The following ORC5 variants were observed in gnomAD, a reference collection of about 807,000 sequenced individuals.
ORC5 encodes the protein origin recognition complex subunit 5.
A neutral mutation model predicts 58.8 loss-of-function variants in ORC5; 39 were observed. The observed-to-expected ratio is 0.66, with a 90% CI of 0.51 to 0.87. ORC5 has a LOEUF of 0.87. ORC5 is among the 40% of genes least tolerant of loss of function. The pLI, the probability that ORC5 is intolerant of heterozygous loss-of-function variation, is 0.00. For missense variants in ORC5, 493 were observed against 506.3 expected (o/e 0.97, Z 0.25); for synonymous variants, 218 against 177.6 (o/e 1.23, Z -1.81).
intron 13 of ORC5, among the ~76,000 whole-genome samples, chr7:104,130,848 G>A (rs1798502278): frequency 6.6e-6 from 1 of 152,034 alleles, no homozygotes; most frequent in Non-Finnish European, 1.5e-5. Flanking sequence ...GTATCTATAT[G>A]CTAGGCACTG....
intron 13 of ORC5, among the ~76,000 whole-genome samples, chr7:104,132,699 AAC>A (rs1423902882): frequency 2.0e-5 from 3 of 152,224 alleles, no homozygotes; most frequent in South Asian, 2.1e-4. Context: ...GATAGACATA[AAC>A]ACAGTCTGCT....
chr7:104,202,111 A>AC lies in ORC5; in HGVS notation c.166-1154_166-1153insG, dbSNP rs1470057754. Among the ~76,000 whole-genome samples, 4 of 151,916 alleles carry AC rather than the reference A, an allele frequency of 2.6e-5. No homozygotes were observed. In the East Asian group the frequency reaches 7.7e-4, roughly 29 times the overall value. ...TTTAAAAACAAAACAAAACAAAAAA[A>AC]ACTAGCCCTTCATTTAAAAAACTAT... is the stretch of plus-strand genomic sequence containing the variant. On this transcript the variant is annotated intron_variant, in intron 2 of 13. Coordinates refer to ENST00000297431, the MANE Select transcript of ORC5 (RefSeq NM_002553.4).
At chr7:104,190,047 GA>G (rs1376235095) in intron 5 of ORC5, among the ~76,000 whole-genome samples, 1 of 152,116 alleles carries the variant, frequency 6.6e-6, no homozygotes, top group Non-Finnish European at 1.5e-5. Flanking sequence ...GAAAACTGAA[GA>G]ATTTGTTGTT....
At chr7:104,168,578 G>A in intron 8 of ORC5, 53 bp from the exon 9 acceptor site, 1 of 1,207,810 alleles carries the variant, frequency 8.3e-7, no homozygotes, top group South Asian at 1.6e-5. Context: ...AAATCAATAT[G>A]GTGTACTTAA....
Position 104,136,727 on chromosome 7 carries a change from GA to G in ORC5, c.1262+53del. On this transcript the variant is annotated intron_variant, in intron 13 of 13. Transcript: ENST00000297431. The surrounding 1 kb of genome is among the most constrained non-coding windows in gnomAD (Gnocchi z 4.2). Reference sequence around the variant, plus strand: ...GTCATGACTAATGACATCACATTTGGAAAACACTAATTTTTATATTTAGTAT... The same window carrying G: ...GTCATGACTAATGACATCACATTTGGAAACACTAATTTTTATATTTAGTAT... The G allele has an allele frequency of 8.4e-7, 1 of 1,192,010 alleles. No homozygotes were observed. The highest frequency in any genetic ancestry group is 1.3e-5 in the South Asian group (1 of 77,764). The allele number at this position is 1,192,010 out of a possible 1,614,324, so 73.8% of individuals were successfully genotyped here.
At chr7:104,186,915 T>C (rs1799556321) in intron 6 of ORC5, among the ~76,000 whole-genome samples, 1 of 152,180 alleles carries the variant, frequency 6.6e-6, no homozygotes, top group Non-Finnish European at 1.5e-5. Flanking sequence ...ATAAAATCAT[T>C]CCACAGTGAA....
chr7:104,200,897 A>G lies in ORC5; in HGVS notation c.227T>C (p.Ile76Thr), dbSNP rs1799925057. The G allele has an allele frequency of 2.5e-6, 4 of 1,613,746 alleles. No individual in the cohort carries two copies. In the South Asian group the frequency reaches 4.4e-5, roughly 18 times the overall value. ...ACTAAGATGATTCAATTTGTTTAAA[A>G]TTTGTTCCAAAAGCAGCCTCAATGT... ...CFTLRLLLEQ[I>T]LNKLNHLSSS... The change falls in exon 3 of 14, where the codon ATT (isoleucine) becomes ACT (threonine). Residue 76 changes from isoleucine to threonine, a missense_variant. By Grantham distance (89) the Ile-to-Thr change is moderately conservative. This residue lies in a region of ORC5 where 412 missense variants were observed against 403.7 expected (regional missense o/e 1.02). Coordinates refer to ENST00000297431, the MANE Select transcript of ORC5 (RefSeq NM_002553.4).
intron 4 of ORC5, 32 bp from the exon 5 acceptor site, chr7:104,195,286 C>T: frequency 5.6e-6 from 7 of 1,245,536 alleles, no homozygotes; most frequent in Non-Finnish European, 7.8e-6. Flanking sequence ...AGTAACTTCG[C>T]ATTTAAAAAT....
intron 13 of ORC5, among the ~76,000 whole-genome samples, chr7:104,132,692 A>G (rs1182214378): frequency 6.6e-6 from 1 of 152,252 alleles, no homozygotes; most frequent in Non-Finnish European, 1.5e-5. Context: ...AGGCAGTGAT[A>G]GACATAAACA....
intron 12 of ORC5, among the ~76,000 whole-genome samples, chr7:104,151,016 T>C (rs1798836926): frequency 6.6e-6 from 1 of 151,960 alleles, no homozygotes; most frequent in African/African-American, 2.4e-5. Flanking sequence ...AGCTCGATAG[T>C]TGTAAGGGGA....
chr7:104,151,372 G>C (rs1798844252), intron 12 of ORC5, among the ~76,000 whole-genome samples: 1 of 152,088 alleles, frequency 6.6e-6, no homozygotes, highest in Admixed American at 6.6e-5. Context: ...ATGTCAGTGA[G>C]GGTGGAAAAA....
intron 9 of ORC5, 80 bp downstream of exon 9, chr7:104,168,393 C>T (rs377260523): frequency 1.4e-5 from 22 of 1,540,974 alleles, no homozygotes; most frequent in Non-Finnish European, 1.8e-5. Context: ...TGACTGAATG[C>T]TCTTTAGTAT....
In ORC5 at chr7:104,144,359, G is replaced by A. The variant is rs965541244; in HGVS notation, c.1150-7466C>T. ...TATTTCTATATATGCATAAATAGCA[G>A]AATATCCACCTTCCTTTCTATTATC... On this transcript the variant is annotated intron_variant, in intron 12 of 13. Transcript: ENST00000297431. Among the ~76,000 whole-genome samples the A allele has an allele frequency of 5.3e-5, 8 of 152,254 alleles. No individual in the cohort carries two copies. The East Asian group carries it at 1.5e-3, about 29-fold the overall frequency.
rs562286245 is a variant in ORC5 at position 104,184,275 on chromosome 7, T to A, written c.685-104A>T. 82 of 659,206 alleles carry A rather than the reference T, an allele frequency of 1.2e-4. 4 individuals are homozygous for A. The highest frequency in any genetic ancestry group is 1.1e-3 in the South Asian group (53 of 49,646). The allele number at this position is 659,206 out of a possible 1,614,324, so 40.8% of individuals were successfully genotyped here. On this transcript the variant is annotated intron_variant, in intron 6 of 13. Transcript: ENST00000297431. ...TGTATTGCAGTTCAGGAAATTTTAC[T>A]TAACACATTTGCTCAAGTCAAATGT... is the stretch of plus-strand genomic sequence containing the variant.
chr7:104,160,109 A>C (rs1798998201), intron 12 of ORC5, among the ~76,000 whole-genome samples: 1 of 152,172 alleles, frequency 6.6e-6, no homozygotes, highest in Non-Finnish European at 1.5e-5. Context: ...AGTTTCTTCA[A>C]GAACACAATA....
chr7:104,128,069 G>A lies in ORC5; in HGVS notation c.1263-1176C>T, dbSNP rs184060739. Among the ~76,000 whole-genome samples the A allele has an allele frequency of 4.6e-5, 7 of 152,186 alleles. No individual in the cohort carries two copies. The East Asian group carries it at 7.7e-4, about 17-fold the overall frequency. On this transcript the variant is annotated intron_variant, in intron 13 of 13. Coordinates refer to ENST00000297431, the MANE Select transcript of ORC5 (RefSeq NM_002553.4). ...AAGTTATTTTATATGTTTTTCTTTC[G>A]TTCAACTCTAGAAACACCCAAATTT...
rs1018148772 is a variant in ORC5 at position 104,138,206 on chromosome 7, A to G, written c.1150-1313T>C. On this transcript the variant is annotated intron_variant, in intron 12 of 13. Coordinates refer to ENST00000297431, the MANE Select transcript of ORC5 (RefSeq NM_002553.4). The surrounding 1 kb of genome is among the most constrained non-coding windows in gnomAD (Gnocchi z 4.7). ...TGCACTCAGCCCAACCAAGATTCCT[A>G]GCTCAACAACTGATTCAAACAATCA... is the stretch of plus-strand genomic sequence containing the variant. Among the ~76,000 whole-genome samples, 2 of 152,222 alleles carry G rather than the reference A, an allele frequency of 1.3e-5. No individual in the cohort carries two copies. Among genetic ancestry groups the G allele is most frequent in the African/African-American group, 4.8e-5 (2 of 41,452 alleles).
intron 13 of ORC5, among the ~76,000 whole-genome samples, chr7:104,131,790 T>A (rs981527808): frequency 7.3e-5 from 11 of 151,030 alleles, no homozygotes; most frequent in African/African-American, 2.7e-4. Flanking sequence ...AGAAAGAGGC[T>A]GCAGTGAGCC....
chr7:104,191,375 A>G (rs189800934), intron 5 of ORC5, among the ~76,000 whole-genome samples: 1 of 152,186 alleles, frequency 6.6e-6, no homozygotes, highest in Admixed American at 6.6e-5. Context: ...TAACATACAT[A>G]AAGCAAAACA....
Sources: allele counts gnomAD v4.1 joint callset (sites outside exome capture counted in the v4.1 genomes callset), GRCh38; gene constraint gnomAD v4.1.1; regional missense constraint gnomAD v4.1.1; non-coding constraint Gnocchi (gnomAD v3.1); transcripts MANE v1.5; gene names NCBI Gene and HGNC (gene_info 2026-07-23, HGNC 2026-07-21).